Variants in EMC10 observed in about 807,000 individuals in gnomAD.
EMC10 encodes the protein UPF0510 protein INM02.
EMC10 carries 40 observed loss-of-function variants against 32.2 expected under a neutral mutation model. The observed-to-expected ratio is 1.24, with a 90% CI of 0.96 to 1.61. EMC10 has a LOEUF of 1.61. EMC10 is among the 40% of genes most tolerant of loss of function. The pLI is 0.00. For missense variants in EMC10, 402 were observed against 357.7 expected (o/e 1.12, Z -1.00); for synonymous variants, 178 against 158.4 (o/e 1.12, Z -0.93).
In EMC10 at chr19:50,481,692, T is replaced by TC. The variant is rs2040321532; in HGVS notation, c.679-455dup. 5 of 606,360 alleles carry TC rather than the reference T, an allele frequency of 8.2e-6. No individual in the cohort carries two copies. In the South Asian group the frequency reaches 1.0e-4, roughly 13 times the overall value. 37.6% of individuals were successfully genotyped at this position (606,360 alleles called of 1,614,324 possible). A position where few individuals can be genotyped will look rare whatever the true frequency, so the allele number is the denominator to read the frequency against. On this transcript the variant is annotated intron_variant, in intron 6 of 6. Transcript: ENST00000334976. ...TGCCCTGCCTGAGGGCCTCACCCGC[T>TC]CCGCCTGGATAGTCCAACAGTTGTG... is the stretch of plus-strand genomic sequence containing the variant.
rs1201734020 is a variant in EMC10, at chr19:50,478,807, T to C, written c.188-150T>C. 5 of 631,994 alleles carry C rather than the reference T, an allele frequency of 7.9e-6. No individual in the cohort carries two copies. In the Admixed American group the frequency reaches 1.1e-4, roughly 14 times the overall value. 39.1% of individuals were successfully genotyped at this position (631,994 alleles called of 1,614,324 possible). A position where few individuals can be genotyped will look rare whatever the true frequency, so the allele number is the denominator to read the frequency against. ...GAACATGGTGGAGGTGTCCCCACTT[T>C]GCAGATAGCAAAATGGGGGCCCAGA... On this transcript the variant is annotated intron_variant, in intron 2 of 6. Transcript: ENST00000334976.
rs778889874 is a variant in EMC10, at chr19:50,480,927, G to A, written c.628G>A (p.Ala210Thr). 2.5e-6 allele frequency: 4 copies of A among 1,613,072 alleles called. No homozygotes were observed. Among genetic ancestry groups the A allele is most frequent in the Non-Finnish European group, 3.4e-6 (4 of 1,179,224 alleles). Reference sequence around the variant, plus strand: ...CATTGAGCGCCTGGAGATGGAACAGGCCCAGAAGGCCAAGAACCCCCAGGA... The same window carrying A: ...CATTGAGCGCCTGGAGATGGAACAGACCCAGAAGGCCAAGAACCCCCAGGA... ...AFIERLEMEQ[A>T]QKAKNPQEQK... The change falls in exon 6 of 7, where the codon GCC (alanine) becomes ACC (threonine). Residue 210 changes from alanine (A) to threonine (T), a missense_variant. By Grantham distance (58) the Ala-to-Thr change is moderately conservative. Coordinates refer to ENST00000334976, the MANE Select transcript of EMC10 (RefSeq NM_206538.4). The surrounding 1 kb of genome is among the most constrained non-coding windows in gnomAD (Gnocchi z 4.4).
Position 50,489,176 on chromosome 19 carries a change from A to C in EMC10, c.*6917A>C, listed in dbSNP as rs1206180006. On this transcript the variant is annotated 3_prime_UTR_variant, in exon 7 of 7. Coordinates refer to ENST00000334976, the MANE Select transcript of EMC10 (RefSeq NM_206538.4). ...AAGGAGAAAGGAAAAAATACAAAAA[A>C]GGGCAGAGAGAAAAGAACAGGCCGG... 1 of 152,482 alleles carries C rather than the reference A, an allele frequency of 6.6e-6. No homozygotes were observed. Among genetic ancestry groups the C allele is most frequent in the African/African-American group, 2.4e-5 (1 of 41,450 alleles). The allele number at this position is 152,482 out of a possible 1,614,324, so 9.4% of individuals were successfully genotyped here.
chr19:50,476,622 G>T lies in EMC10; in HGVS notation c.78G>T (p.Arg26=). 6.4e-7 allele frequency: 1 copy of T among 1,556,328 alleles called. No individual in the cohort carries two copies. The highest frequency in any genetic ancestry group is 8.6e-7 in the Non-Finnish European group (1 of 1,156,730). Residue 26 remains arginine, a synonymous_variant, in exon 1 of 7, where the codon CGG becomes CGT. Coordinates refer to ENST00000334976, the MANE Select transcript of EMC10 (RefSeq NM_206538.4). ...CGGTAGCAGCGCCCAGTCGAGCCCG[G>T]GGCAGCGGCTGCCGGGCCGGGACTG... ...LMAVAAPSRA[R]GSGCRAGTGA... is the part of the protein sequence containing the mutation.
rs781563230 is a variant in EMC10, at chr19:50,485,215, GAGA to G, written c.*2957_*2959del. On this transcript the variant is annotated 3_prime_UTR_variant, in exon 7 of 7. Coordinates refer to ENST00000334976, the MANE Select transcript of EMC10 (RefSeq NM_206538.4). ...CCGGTGGGGCCCCACCTTGCTGGGG[GAGA>G]GGGATGTGTGTGTGATGGTGGTGCA... 3 of 152,240 alleles carry G rather than the reference GAGA, an allele frequency of 2.0e-5. No homozygotes were observed. The highest frequency in any genetic ancestry group is 4.4e-5 in the Non-Finnish European group (3 of 68,090). 9.4% of individuals were successfully genotyped at this position (152,240 alleles called of 1,614,324 possible). A position where few individuals can be genotyped will look rare whatever the true frequency, so the allele number is the denominator to read the frequency against.
chr19:50,477,437 GA>G (rs1332056139), intron 1 of EMC10, among the ~76,000 whole-genome samples: 1 of 152,206 alleles, frequency 6.6e-6, no homozygotes, highest in Non-Finnish European at 1.5e-5. Flanking sequence ...GGGGGCTCTT[GA>G]GGAAGTGGAG....
At position 50,478,984 on chromosome 19, in the gene EMC10, GC is replaced by G; in HGVS notation, c.216del (p.Ser73HisfsTer32). On this transcript the variant is annotated frameshift_variant, in exon 3 of 7. Transcript: ENST00000334976. LOFTEE classifies it high-confidence loss of function. ...GACAGTGCCAACTTCCGGAAGCGGGGCTCACTGCTCTGGAACCAGCAGGATG... is the reference window on the plus strand; with the variant it reads ...GACAGTGCCAACTTCCGGAAGCGGGGTCACTGCTCTGGAACCAGCAGGATG... ...IDDSANFRKR[G>X]SLLWNQQDGT... 6.2e-7 allele frequency: 1 copy of G among 1,610,876 alleles called. No homozygotes were observed. The highest frequency in any genetic ancestry group is 8.5e-7 in the Non-Finnish European group (1 of 1,179,198).
rs180924254 is a variant in EMC10, at chr19:50,484,673, A to G, written c.*2414A>G. ...AGGGATGAAGTATGAAACTCAAAAGATAGAGTAGGTTGGCCAGGCATAGTG... is the reference window on the plus strand; with the variant it reads ...AGGGATGAAGTATGAAACTCAAAAGGTAGAGTAGGTTGGCCAGGCATAGTG... On this transcript the variant is annotated 3_prime_UTR_variant, in exon 7 of 7. Transcript: ENST00000334976. The G allele has an allele frequency of 1.3e-5, 2 of 152,006 alleles. No individual in the cohort carries two copies. Among genetic ancestry groups the G allele is most frequent in the Admixed American group, 6.6e-5 (1 of 15,258 alleles). The allele number at this position is 152,006 out of a possible 1,614,324, so 9.4% of individuals were successfully genotyped here. A position where few individuals can be genotyped will look rare whatever the true frequency, so the allele number is the denominator to read the frequency against.
intron 3 of EMC10, among the ~76,000 whole-genome samples, chr19:50,479,522 C>G (rs2040284485): frequency 6.6e-6 from 1 of 152,152 alleles, no homozygotes; most frequent in Admixed American, 6.5e-5. Context: ...CAGAGAGGCC[C>G]CAGGGCTCCA....
rs999247995 is a variant in EMC10, at chr19:50,480,464, G to A, written c.403-117G>A. On this transcript the variant is annotated intron_variant, in intron 4 of 6. Coordinates refer to ENST00000334976, the MANE Select transcript of EMC10 (RefSeq NM_206538.4). This position sits in a 1 kb window ranked among gnomAD's most constrained non-coding sequence, Gnocchi z 4.4. ...TGAACTTGGGCCTGAGGGTAACAGGGAGCCATGGGAAGGTTTTGAAAAATG... is the reference window on the plus strand; with the variant it reads ...TGAACTTGGGCCTGAGGGTAACAGGAAGCCATGGGAAGGTTTTGAAAAATG... The A allele has an allele frequency of 8.0e-7, 1 of 1,255,340 alleles. No individual in the cohort carries two copies. The highest frequency in any genetic ancestry group is 1.1e-6 in the Non-Finnish European group (1 of 910,598). The allele number at this position is 1,255,340 out of a possible 1,614,324, so 77.8% of individuals were successfully genotyped here.
In EMC10 at chr19:50,489,983, A is replaced by C. The variant is rs955864356; in HGVS notation, c.*7724A>C. The C allele has an allele frequency of 2.0e-5, 3 of 152,220 alleles. No individual in the cohort carries two copies. The highest frequency in any genetic ancestry group is 7.3e-5 in the African/African-American group (3 of 41,352). 9.4% of individuals were successfully genotyped at this position (152,220 alleles called of 1,614,324 possible). On this transcript the variant is annotated 3_prime_UTR_variant, in exon 7 of 7. Transcript: ENST00000334976. ...GTGTAGGAGGGCGGGAGAGCCAATG[A>C]CAAGACAGAAAAGGCAGAGAAAGCA...
Position 50,486,703 on chromosome 19 carries a change from C to T in EMC10, c.*4444C>T, listed in dbSNP as rs1313932379. On this transcript the variant is annotated 3_prime_UTR_variant, in exon 7 of 7. Coordinates refer to ENST00000334976, the MANE Select transcript of EMC10 (RefSeq NM_206538.4). Reference sequence around the variant, plus strand: ...GTTTGTGTGAACCAAATTCCATTTTCCTTTGTTTCCCATGTGCAGTCCCAG... The same window carrying T: ...GTTTGTGTGAACCAAATTCCATTTTTCTTTGTTTCCCATGTGCAGTCCCAG... 2 of 152,150 alleles carry T rather than the reference C, an allele frequency of 1.3e-5. No homozygotes were observed. Among genetic ancestry groups the T allele is most frequent in the African/African-American group, 4.8e-5 (2 of 41,432 alleles). The allele number at this position is 152,150 out of a possible 1,614,324, so 9.4% of individuals were successfully genotyped here. A position where few individuals can be genotyped will look rare whatever the true frequency, so the allele number is the denominator to read the frequency against.
rs116071188 is a variant in EMC10 at position 50,479,268 on chromosome 19, G to C, written c.297+202G>C. 5.4e-3 allele frequency among the ~76,000 whole-genome samples: 829 copies of C among 152,332 alleles called. 6 individuals carry two copies. The highest frequency in any genetic ancestry group is 0.019 in the African/African-American group (796 of 41,574). On this transcript the variant is annotated intron_variant, in intron 3 of 6. Transcript: ENST00000334976. ...AGTTCGTCTTAGCGCCGCCAGGCAT[G>C]GTGTCCTGCATCACGGCCTCTTCCT...
Position 50,480,482 on chromosome 19 carries a change from G to C in EMC10, c.403-99G>C. 7.0e-7 allele frequency: 1 copy of C among 1,419,072 alleles called. No individual in the cohort carries two copies. The highest frequency in any genetic ancestry group is 9.5e-7 in the Non-Finnish European group (1 of 1,055,466). The allele number at this position is 1,419,072 out of a possible 1,614,324, so 87.9% of individuals were successfully genotyped here. ...TAACAGGGAGCCATGGGAAGGTTTT[G>C]AAAAATGCTCCGGGGGTCCTGTGGT... On this transcript the variant is annotated intron_variant, in intron 4 of 6. Transcript: ENST00000334976. The surrounding 1 kb of genome is among the most constrained non-coding windows in gnomAD (Gnocchi z 4.4).
Position 50,485,375 on chromosome 19 carries a change from C to T in EMC10, c.*3116C>T. ...CACCCCTGATCTCCAGACTCATGGC[C>T]CCAGCTGCCTCCTGGGCTCCTTCCC... On this transcript the variant is annotated 3_prime_UTR_variant, in exon 7 of 7. Coordinates refer to ENST00000334976, the MANE Select transcript of EMC10 (RefSeq NM_206538.4). 1.3e-5 allele frequency: 2 copies of T among 152,246 alleles called. No homozygotes were observed. The highest frequency in any genetic ancestry group is 3.9e-4 in the East Asian group (2 of 5,180). 9.4% of individuals were successfully genotyped at this position (152,246 alleles called of 1,614,324 possible).
Position 50,482,428 on chromosome 19 carries a change from G to A in EMC10, c.*169G>A. The A allele has an allele frequency of 1.7e-6, 1 of 594,158 alleles. No individual in the cohort carries two copies. Among genetic ancestry groups the A allele is most frequent in the South Asian group, 2.0e-5 (1 of 50,298 alleles). 36.8% of individuals were successfully genotyped at this position (594,158 alleles called of 1,614,324 possible). A position where few individuals can be genotyped will look rare whatever the true frequency, so the allele number is the denominator to read the frequency against. On this transcript the variant is annotated 3_prime_UTR_variant, in exon 7 of 7. Transcript: ENST00000334976. ...TGTCCTCTGCCTTCTGCTGGCAGAG[G>A]AGCAGCTGGACTGGGGCCTTTGGCA... is the stretch of plus-strand genomic sequence containing the variant.
rs538550056 is a variant in EMC10, at chr19:50,483,343, C to T, written c.*1084C>T. ...CAGTTTATTAAACTGTCCCCCAGAT[C>T]GACACGCAGCTAGCCTCCTGCATTG... On this transcript the variant is annotated 3_prime_UTR_variant, in exon 7 of 7. Transcript: ENST00000334976. 21 of 331,032 alleles carry T rather than the reference C, an allele frequency of 6.3e-5. 1 individual carries two copies. Among genetic ancestry groups the T allele is most frequent in the South Asian group, 4.6e-4 (19 of 41,574 alleles). 20.5% of individuals were successfully genotyped at this position (331,032 alleles called of 1,614,324 possible). A position where few individuals can be genotyped will look rare whatever the true frequency, so the allele number is the denominator to read the frequency against.
rs1406203874 is a variant in EMC10, at chr19:50,487,083, C to T, written c.*4824C>T. 6.6e-6 allele frequency: 1 copy of T among 152,106 alleles called. No homozygotes were observed. The highest frequency in any genetic ancestry group is 2.4e-5 in the African/African-American group (1 of 41,422). 9.4% of individuals were successfully genotyped at this position (152,106 alleles called of 1,614,324 possible). On this transcript the variant is annotated 3_prime_UTR_variant, in exon 7 of 7. Coordinates refer to ENST00000334976, the MANE Select transcript of EMC10 (RefSeq NM_206538.4). ...GGCTTCTCTCAATGGAGGGAAGTGTCCTGCAGGGGGCGCTGTTGGTCCTTC... is the reference window on the plus strand; with the variant it reads ...GGCTTCTCTCAATGGAGGGAAGTGTTCTGCAGGGGGCGCTGTTGGTCCTTC...
At chr19:50,478,464 G>A (rs554338352) in intron 2 of EMC10, among the ~76,000 whole-genome samples, 1 of 152,284 alleles carries the variant, frequency 6.6e-6, no homozygotes, top group East Asian at 1.9e-4. Flanking sequence ...CCATGATGCA[G>A]GTGTCCAGGT....
Sources: gnomAD v4.1 joint callset for allele counts (sites outside exome capture counted in the v4.1 genomes callset) on GRCh38, gnomAD v4.1.1 for gene constraint, Gnocchi (gnomAD v3.1) non-coding constraint, MANE v1.5 for transcripts, NCBI Gene and HGNC (gene_info 2026-07-23, HGNC 2026-07-21) for gene names.